PEBP4: variants seen among roughly 807,000 people sequenced by gnomAD.
The protein encoded by PEBP4 is phosphatidylethanolamine binding protein 4, also known as phosphatidylethanolamine-binding protein 4.
Under a neutral mutation model 23.9 loss-of-function variants are expected in PEBP4, and 22 were observed. The observed-to-expected ratio is 0.92, with a 90% CI of 0.66 to 1.31. The LOEUF is 1.31. Among genes scored for constraint, PEBP4 ranks in the 40% most tolerant of loss-of-function variants. PEBP4 has a pLI of 0.00. For missense variants in PEBP4, 324 were observed against 281.7 expected (o/e 1.15, Z -1.07); for synonymous variants, 112 against 99.3 (o/e 1.13, Z -0.76).
intron 4 of PEBP4, among the ~76,000 whole-genome samples, chr8:22,786,105 C>A (rs1806021673): frequency 6.6e-6 from 1 of 152,148 alleles, no homozygotes; most frequent in Admixed American, 6.5e-5. Flanking sequence ...CCTCCTATCC[C>A]CTTCATCCGG....
At chr8:22,850,935 G>A (rs761659463) in intron 3 of PEBP4, among the ~76,000 whole-genome samples, 8 of 152,176 alleles carry the variant, frequency 5.3e-5, no homozygotes, top group Non-Finnish European at 1.2e-4. Context: ...GAAAAGAAAC[G>A]GGCTTGTTGG....
At chr8:22,723,076 C>T (rs748079836) in intron 6 of PEBP4, among the ~76,000 whole-genome samples, 12 of 151,134 alleles carry the variant, frequency 7.9e-5, no homozygotes, top group Non-Finnish European at 1.6e-4. Flanking sequence ...CCACCGCGCC[C>T]AGCCTGGGAG....
intron 1 of PEBP4, among the ~76,000 whole-genome samples, chr8:22,939,820 C>T (rs925433187): frequency 4.6e-5 from 7 of 152,266 alleles, no homozygotes; most frequent in African/African-American, 1.7e-4. Context: ...TGCTAGACCT[C>T]GGGCCAGAGG....
intron 3 of PEBP4, among the ~76,000 whole-genome samples, chr8:22,902,949 G>A (rs1298162141): frequency 2.6e-5 from 4 of 152,190 alleles, no homozygotes; most frequent in Non-Finnish European, 5.9e-5. Flanking sequence ...GGGGAGTGGG[G>A]TGGAGGTGAG....
intron 4 of PEBP4, among the ~76,000 whole-genome samples, chr8:22,739,240 C>A (rs578043614): frequency 6.6e-6 from 1 of 152,192 alleles, no homozygotes; most frequent in Admixed American, 6.5e-5. Flanking sequence ...GCCCTCCTCC[C>A]GTGCTGCATG....
In PEBP4 at chr8:22,916,249, C is replaced by A. The variant is rs530586319; in HGVS notation, c.258+3935G>T. 1.8e-4 allele frequency among the ~76,000 whole-genome samples: 28 copies of A among 152,308 alleles called. 1 individual carries two copies. The highest frequency in any genetic ancestry group is 1.5e-3 in the South Asian group (7 of 4,816). On this transcript the variant is annotated intron_variant, in intron 3 of 6. Transcript: ENST00000256404. The stretch of plus-strand genomic sequence containing the variant: ...GGCGAAATTTAAGGTGGAGAATAAG[C>A]CCCCAGTCAAGAAGCTTCTCAGGGG...
At chr8:22,750,676 T>C (rs1805236451) in intron 4 of PEBP4, among the ~76,000 whole-genome samples, 1 of 152,144 alleles carries the variant, frequency 6.6e-6, no homozygotes, top group Admixed American at 6.5e-5. Flanking sequence ...GCATTCTGGC[T>C]GGGCAGTTAG....
At chr8:22,801,036 C>T (rs970252567) in intron 4 of PEBP4, among the ~76,000 whole-genome samples, 1 of 152,104 alleles carries the variant, frequency 6.6e-6, no homozygotes, top group African/African-American at 2.4e-5. Flanking sequence ...CAAGGGCAGG[C>T]TCTTAATCCT....
intron 4 of PEBP4, among the ~76,000 whole-genome samples, chr8:22,769,081 TC>T (rs1308336543): frequency 6.6e-6 from 1 of 152,088 alleles, no homozygotes; most frequent in Non-Finnish European, 1.5e-5. Context: ...AGCTCCTGTG[TC>T]CCCCAGGGAC....
intron 3 of PEBP4, among the ~76,000 whole-genome samples, chr8:22,894,663 G>T (rs895783004): frequency 6.6e-6 from 1 of 152,178 alleles, no homozygotes; most frequent in Admixed American, 6.5e-5. Flanking sequence ...TATCCTGAAA[G>T]AATCTCCCAC....
chr8:22,920,337 T>C, intron 2 of PEBP4, 27 bp from the exon 3 acceptor site: 1 of 1,597,526 alleles, frequency 6.3e-7, no homozygotes, highest in Non-Finnish European at 8.6e-7. Flanking sequence ...GAGGTTGCCC[T>C]GTGTCAGGGT....
chr8:22,816,442 C>T (rs112065673), intron 4 of PEBP4, among the ~76,000 whole-genome samples: 46 of 152,260 alleles, frequency 3.0e-4, no homozygotes, highest in African/African-American at 1.0e-3. Context: ...AAAACCCTGC[C>T]TTGCTCAGGA....
At chr8:22,915,855 T>C (rs777874557) in intron 3 of PEBP4, among the ~76,000 whole-genome samples, 3 of 152,192 alleles carry the variant, frequency 2.0e-5, no homozygotes, top group Non-Finnish European at 2.9e-5. Flanking sequence ...CTGCTCTGTG[T>C]ATACAGAGAA....
At chr8:22,725,214 G>A (rs1183831211) in intron 5 of PEBP4, among the ~76,000 whole-genome samples, 4 of 152,250 alleles carry the variant, frequency 2.6e-5, no homozygotes, top group African/African-American at 9.6e-5. Context: ...GGCCTTGGGT[G>A]CTGGCGTGGC....
At chr8:22,917,806 C>G (rs1809108909) in intron 3 of PEBP4, among the ~76,000 whole-genome samples, 2 of 152,202 alleles carry the variant, frequency 1.3e-5, no homozygotes. Flanking sequence ...AATCCTGTGA[C>G]TTTTAATGGA....
intron 4 of PEBP4, among the ~76,000 whole-genome samples, chr8:22,768,629 G>C (rs1310867931): frequency 6.6e-6 from 1 of 152,108 alleles, no homozygotes; most frequent in Admixed American, 6.5e-5. Flanking sequence ...GTGGGGCCTC[G>C]GCCCAGTCAA....
intron 4 of PEBP4, among the ~76,000 whole-genome samples, chr8:22,746,748 C>T (rs995041866): frequency 9.2e-5 from 14 of 152,294 alleles, no homozygotes; most frequent in South Asian, 2.1e-4. Context: ...CCCTCCAGAT[C>T]GGTGCTGTCC....
intron 4 of PEBP4, among the ~76,000 whole-genome samples, chr8:22,770,123 G>T (rs1805688092): frequency 6.6e-6 from 1 of 152,190 alleles, no homozygotes; most frequent in South Asian, 2.1e-4. Flanking sequence ...CGCCCCTCTG[G>T]GTGGAAGCCC....
At chr8:22,784,982 C>A (rs1041056620) in intron 4 of PEBP4, among the ~76,000 whole-genome samples, 4 of 152,192 alleles carry the variant, frequency 2.6e-5, no homozygotes, top group Admixed American at 2.6e-4. Context: ...CGTGAAGGAA[C>A]AGAAACGGGC....
Sources: allele counts gnomAD v4.1 joint callset (sites outside exome capture counted in the v4.1 genomes callset), GRCh38; gene constraint gnomAD v4.1.1; transcripts MANE v1.5; gene names NCBI Gene and HGNC (gene_info 2026-07-23, HGNC 2026-07-21).